Variants in RAP1B observed in about 807,000 individuals in gnomAD.
RAP1B encodes the protein ras-related protein Rap-1b.
In RAP1B, 1 loss-of-function variant was observed where a neutral mutation model predicts 27.5. That is an observed-to-expected ratio of 0.04 (90% confidence interval 0.01 to 0.17). The LOEUF is 0.17. Ranked by LOEUF, RAP1B falls within the 10% of genes least tolerant of loss-of-function variation. The pLI, the probability that RAP1B is intolerant of heterozygous loss-of-function variation, is 1.00. For missense variants in RAP1B, 84 were observed against 214.8 expected (o/e 0.39, Z 3.81); for synonymous variants, 75 against 73.1 (o/e 1.03, Z -0.13).
chr12:68,635,164 C>T (rs111715403), intron 1 of RAP1B, among the ~76,000 whole-genome samples: 126 of 152,108 alleles, frequency 8.3e-4, no homozygotes, highest in African/African-American at 2.9e-3. Context: ...TTTTATAGTT[C>T]CTTGTTAGAA....
chr12:68,640,127 C>A lies in RAP1B; in HGVS notation c.-26-8572C>A, dbSNP rs183572397. ...GTGCTGGGATTACAGGCATGAGCCA[C>A]CATGCCCGGCCCAAAGATGATTTTT... On this transcript the variant is annotated intron_variant, in intron 1 of 7. Transcript: ENST00000250559. 1.6e-3 allele frequency among the ~76,000 whole-genome samples: 249 copies of A among 152,286 alleles called. 2 individuals carry two copies. The highest frequency in any genetic ancestry group is 0.015 in the Admixed American group (234 of 15,282).
At chr12:68,618,841 T>C (rs1871202467) in intron 1 of RAP1B, among the ~76,000 whole-genome samples, 1 of 152,052 alleles carries the variant, frequency 6.6e-6, no homozygotes, top group South Asian at 2.1e-4. Context: ...TGTAACAAAA[T>C]GGGAAGTATG....
chr12:68,658,044 A>G (rs78014326), intron 7 of RAP1B, among the ~76,000 whole-genome samples: 2,377 of 152,276 alleles, frequency 0.016, 28 homozygotes, highest in Non-Finnish European at 0.024. Flanking sequence ...CATAGTTAAC[A>G]CTCAACTATT....
intron 3 of RAP1B, 82 bp downstream of exon 3, chr12:68,650,550 T>C: frequency 9.5e-6 from 11 of 1,159,244 alleles, no homozygotes; most frequent in Non-Finnish European, 1.3e-5. Flanking sequence ...GAATGTTTTA[T>C]ACAAAGGATG....
In RAP1B at chr12:68,669,335, G is replaced by T. The variant is rs1380983955; in HGVS notation, c.*10086G>T. 3 of 152,126 alleles carry T rather than the reference G, an allele frequency of 2.0e-5. No homozygotes were observed. Among genetic ancestry groups the T allele is most frequent in the Non-Finnish European group, 4.4e-5 (3 of 68,010 alleles). The allele number at this position is 152,126 out of a possible 1,614,324, so 9.4% of individuals were successfully genotyped here. ...CCAAATTAGCATGTTAATGTATAAT[G>T]ATTACAATTTAAATTTCAACTGGCT... On this transcript the variant is annotated 3_prime_UTR_variant, in exon 8 of 8. Transcript: ENST00000250559.
intron 1 of RAP1B, among the ~76,000 whole-genome samples, chr12:68,632,931 G>C (rs1872370129): frequency 6.6e-6 from 1 of 152,162 alleles, no homozygotes; most frequent in African/African-American, 2.4e-5. Context: ...AAGCAAGACT[G>C]AAGTAACTGG....
intron 5 of RAP1B, among the ~76,000 whole-genome samples, 160 bp from the exon 6 acceptor site, chr12:68,656,146 C>A (rs903075145): frequency 6.6e-6 from 1 of 152,072 alleles, no homozygotes; most frequent in Non-Finnish European, 1.5e-5. Context: ...GTTTATGTTA[C>A]AGATTAAATT....
intron 1 of RAP1B, among the ~76,000 whole-genome samples, chr12:68,614,488 G>C (rs1021036855): frequency 3.3e-5 from 5 of 152,178 alleles, no homozygotes; most frequent in African/African-American, 1.2e-4. Flanking sequence ...ATTTACTGCT[G>C]TTTTATAGCA....
intron 1 of RAP1B, among the ~76,000 whole-genome samples, chr12:68,636,899 C>A (rs1209582191): frequency 2.6e-5 from 4 of 152,040 alleles, no homozygotes; most frequent in Non-Finnish European, 4.4e-5. Flanking sequence ...GGTGATCCAC[C>A]CACCTCAGCC....
In RAP1B at chr12:68,663,709, C is replaced by T. The variant is rs1253004987; in HGVS notation, c.*4460C>T. 6.6e-6 allele frequency: 1 copy of T among 152,158 alleles called. No individual in the cohort carries two copies. Among genetic ancestry groups the T allele is most frequent in the Non-Finnish European group, 1.5e-5 (1 of 68,026 alleles). The allele number at this position is 152,158 out of a possible 1,614,324, so 9.4% of individuals were successfully genotyped here. A position where few individuals can be genotyped will look rare whatever the true frequency, so the allele number is the denominator to read the frequency against. ...GGTTACTGACCTTAGGAATTACAGG[C>T]TTTATCCAAAATTAGGCATATCTAC... On this transcript the variant is annotated 3_prime_UTR_variant, in exon 8 of 8. Coordinates refer to ENST00000250559, the MANE Select transcript of RAP1B (RefSeq NM_001010942.3).
intron 1 of RAP1B, among the ~76,000 whole-genome samples, chr12:68,615,597 A>T (rs77214476): frequency 1.2e-4 from 18 of 151,930 alleles, no homozygotes; most frequent in Admixed American, 1.2e-3. Context: ...AAAAAAAAAA[A>T]TTACTTAGAT....
chr12:68,650,200 A>G (rs529281127), intron 2 of RAP1B, 200 bp from the exon 3 acceptor site: 8 of 397,156 alleles, frequency 2.0e-5, no homozygotes, highest in South Asian at 1.5e-4. Flanking sequence ...AATAAGGAGC[A>G]TAGTGATTAT....
chr12:68,627,953 A>C (rs769992898), intron 1 of RAP1B, among the ~76,000 whole-genome samples: 2 of 152,102 alleles, frequency 1.3e-5, no homozygotes, highest in Non-Finnish European at 2.9e-5. Context: ...ATTTAAAAAA[A>C]AAAATTTAAT....
Position 68,650,272 on chromosome 12 carries a change from A to C in RAP1B, c.58-128A>C, listed in dbSNP as rs566143830. On this transcript the variant is annotated intron_variant, in intron 2 of 7. Coordinates refer to ENST00000250559, the MANE Select transcript of RAP1B (RefSeq NM_001010942.3). ...TTACCAAATGTACACATTCGAATGTAGTATTGGCTGTGGTTTTTTTTTTCA... is the reference window on the plus strand; with the variant it reads ...TTACCAAATGTACACATTCGAATGTCGTATTGGCTGTGGTTTTTTTTTTCA... 296 of 800,170 alleles carry C rather than the reference A, an allele frequency of 3.7e-4. 5 individuals are homozygous for C. The South Asian group carries it at 7.0e-3, about 19-fold the overall frequency. 49.6% of individuals were successfully genotyped at this position (800,170 alleles called of 1,614,324 possible).
chr12:68,654,046 G>C lies in RAP1B; in HGVS notation c.184-66G>C, dbSNP rs774628853. 1.5e-5 allele frequency: 20 copies of C among 1,367,678 alleles called. No homozygotes were observed. In the Admixed American group the frequency reaches 2.2e-4, roughly 15 times the overall value. 84.7% of individuals were successfully genotyped at this position (1,367,678 alleles called of 1,614,324 possible). ...CTTCATTGAGCTATAATTATAGACT[G>C]TGAAAATTGTAAAAATAACTGTCAA... On this transcript the variant is annotated intron_variant, in intron 4 of 7. Transcript: ENST00000250559.
rs546139749 is a variant in RAP1B at position 68,632,505 on chromosome 12, C to T, written c.-26-16194C>T. 2.0e-5 allele frequency among the ~76,000 whole-genome samples: 3 copies of T among 152,076 alleles called. No homozygotes were observed. The East Asian group carries it at 5.8e-4, about 29-fold the overall frequency. On this transcript the variant is annotated intron_variant, in intron 1 of 7. Transcript: ENST00000250559. ...TTAAGCAAATGTTTGGAAGATTATA[C>T]TCATATGTAGAAATGTAAAGATCAG...
intron 1 of RAP1B, chr12:68,641,130 C>T (rs906435948): frequency 6.6e-6 from 1 of 152,224 alleles, no homozygotes; most frequent in African/African-American, 2.4e-5. Flanking sequence ...CCCACCTCAG[C>T]CTCTCAAGTA....
At chr12:68,611,248 C>T (rs1267249561) in intron 1 of RAP1B, among the ~76,000 whole-genome samples, 3 of 148,598 alleles carry the variant, frequency 2.0e-5, no homozygotes, top group African/African-American at 4.9e-5. Context: ...CCTTGCGGGC[C>T]GGCGAGGAGG....
chr12:68,666,081 GAC>G lies in RAP1B; in HGVS notation c.*6833_*6834del. On this transcript the variant is annotated 3_prime_UTR_variant, in exon 8 of 8. Coordinates refer to ENST00000250559, the MANE Select transcript of RAP1B (RefSeq NM_001010942.3). ...TTGGCCAGGCTGGTCTTGAACTCCT[GAC>G]CTCGTGATCCATCTGCTTCAGCCTC... The G allele has an allele frequency of 6.6e-6, 1 of 152,316 alleles. No individual in the cohort carries two copies. The highest frequency in any genetic ancestry group is 1.9e-4 in the East Asian group (1 of 5,190). 9.4% of individuals were successfully genotyped at this position (152,316 alleles called of 1,614,324 possible).
Sources: allele counts gnomAD v4.1 joint callset (sites outside exome capture counted in the v4.1 genomes callset), GRCh38; gene constraint gnomAD v4.1.1; transcripts MANE v1.5; gene names NCBI Gene and HGNC (gene_info 2026-07-23, HGNC 2026-07-21).